NTM: variants seen among roughly 807,000 people sequenced by gnomAD.
NTM encodes the protein neurotrimin.
NTM carries 13 observed loss-of-function variants against 42.1 expected under a neutral mutation model. That is an observed-to-expected ratio of 0.31 (90% CI 0.20 to 0.49). The LOEUF is 0.49. Among genes scored for constraint, NTM ranks in the 20% least tolerant of loss-of-function variants. The pLI, the probability that NTM is intolerant of heterozygous loss-of-function variation, is 0.99. For missense variants in NTM, 373 were observed against 452.8 expected (o/e 0.82, Z 1.60); for synonymous variants, 187 against 179.2 (o/e 1.04, Z -0.35).
At chr11:131,433,380 C>T (rs1448637389) in intron 1 of NTM, among the ~76,000 whole-genome samples, 1 of 152,118 alleles carries the variant, frequency 6.6e-6, no homozygotes, top group East Asian at 1.9e-4. Flanking sequence ...CACAGTTTTC[C>T]CATTTTCCTG....
At chr11:131,454,123 C>G (rs1226822858) in intron 1 of NTM, among the ~76,000 whole-genome samples, 1 of 152,138 alleles carries the variant, frequency 6.6e-6, no homozygotes, top group African/African-American at 2.4e-5. Flanking sequence ...TTTCAGTTAC[C>G]TGCAGTACAG....
intron 1 of NTM, among the ~76,000 whole-genome samples, chr11:131,600,479 G>T (rs2060383418): frequency 1.3e-5 from 2 of 152,162 alleles, no homozygotes; most frequent in African/African-American, 4.8e-5. Flanking sequence ...AGCAGCAATG[G>T]GCTTTTGGCT....
chr11:131,377,618 G>T (rs1215804201), intron 1 of NTM, among the ~76,000 whole-genome samples: 1 of 152,194 alleles, frequency 6.6e-6, no homozygotes, highest in East Asian at 1.9e-4. Flanking sequence ...TAATACAAAT[G>T]CATTATTAAC....
intron 1 of NTM, among the ~76,000 whole-genome samples, chr11:131,500,028 T>G (rs1223934248): frequency 2.0e-5 from 3 of 152,100 alleles, no homozygotes; most frequent in Non-Finnish European, 1.5e-5. Context: ...CAGTGTGTGG[T>G]CCCCCCATGC....
At chr11:132,048,806 C>CTTTTCTT (rs1555232682) in intron 2 of NTM, among the ~76,000 whole-genome samples, 68 of 127,510 alleles carry the variant, frequency 5.3e-4, no homozygotes, top group South Asian at 1.9e-3. Flanking sequence ...AGCTGTTTTT[C>CTTTTCTT]TTTTCTTTTT....
chr11:131,911,274 G>A (rs903440514), intron 1 of NTM: 23 of 1,422,208 alleles, frequency 1.6e-5, no homozygotes, highest in Non-Finnish European at 1.9e-5. Context: ...CCGGTTTTCC[G>A]AGGCTGGCAA....
intron 1 of NTM, among the ~76,000 whole-genome samples, chr11:131,595,592 T>G (rs904279095): frequency 1.3e-5 from 2 of 152,240 alleles, no homozygotes; most frequent in Non-Finnish European, 2.9e-5. Flanking sequence ...AGAGAGCTGC[T>G]GACTGTGGAG....
intron 1 of NTM, chr11:131,671,635 C>A (rs1307199797): frequency 1.0e-6 from 1 of 981,600 alleles, no homozygotes; most frequent in African/African-American, 1.7e-5. Context: ...TGGCTCAGAG[C>A]CCTGTGAGAA....
chr11:131,527,676 A>G (rs2050694899), intron 1 of NTM, among the ~76,000 whole-genome samples: 1 of 152,230 alleles, frequency 6.6e-6, no homozygotes, highest in African/African-American at 2.4e-5. Context: ...AGAGTTCTTC[A>G]GAGCCAAGCA....
chr11:131,565,556 C>A (rs576827132), intron 1 of NTM, among the ~76,000 whole-genome samples: 1 of 152,290 alleles, frequency 6.6e-6, no homozygotes, highest in East Asian at 1.9e-4. Context: ...CCCTTCCAGC[C>A]GCAGGGCATT....
chr11:131,686,923 C>T (rs192848851), intron 1 of NTM, among the ~76,000 whole-genome samples: 1 of 152,232 alleles, frequency 6.6e-6, no homozygotes, highest in Non-Finnish European at 1.5e-5. Context: ...ATAACCCAGA[C>T]TTGACCTGCC....
intron 1 of NTM, among the ~76,000 whole-genome samples, chr11:131,384,574 AG>A (rs1943081025): frequency 6.6e-6 from 1 of 151,990 alleles, no homozygotes; most frequent in South Asian, 2.1e-4. Context: ...AGAGAGAGAG[AG>A]AGAGTGAGTG....
intron 1 of NTM, among the ~76,000 whole-genome samples, chr11:131,460,519 G>A (rs138767920): frequency 8.5e-5 from 13 of 152,176 alleles, no homozygotes; most frequent in African/African-American, 1.4e-4. Flanking sequence ...TACTATGCTC[G>A]ATTCATCACA....
At chr11:131,400,560 A>C (rs888215918) in intron 1 of NTM, among the ~76,000 whole-genome samples, 1 of 152,172 alleles carries the variant, frequency 6.6e-6, no homozygotes, top group Non-Finnish European at 1.5e-5. Flanking sequence ...GTCAACTATT[A>C]GATGATTTTG....
At chr11:131,424,272 T>C (rs937489402) in intron 1 of NTM, among the ~76,000 whole-genome samples, 3 of 152,140 alleles carry the variant, frequency 2.0e-5, no homozygotes, top group Non-Finnish European at 4.4e-5. Flanking sequence ...ATTGGATCCC[T>C]ATGTCCTGCT....
At chr11:131,997,619 T>A (rs760154243) in intron 2 of NTM, among the ~76,000 whole-genome samples, 3 of 152,214 alleles carry the variant, frequency 2.0e-5, no homozygotes, top group Admixed American at 6.5e-5. Context: ...ACACTTGTAA[T>A]GATCTGAACT....
chr11:132,280,475 C>CTTTT (rs138697534), intron 4 of NTM, among the ~76,000 whole-genome samples: 8 of 82,432 alleles, frequency 9.7e-5, no homozygotes, highest in Non-Finnish European at 1.5e-4. Flanking sequence ...ATACTCTCTT[C>CTTTT]TTTTTTTTTT....
chr11:132,111,190 G>C (rs933163792), intron 2 of NTM, among the ~76,000 whole-genome samples: 2 of 149,446 alleles, frequency 1.3e-5, no homozygotes, highest in African/African-American at 2.4e-5. Context: ...TGGTAGCAAT[G>C]CATGTGGCAG....
chr11:131,806,146 A>G (rs2092470160), intron 1 of NTM, among the ~76,000 whole-genome samples: 1 of 152,152 alleles, frequency 6.6e-6, no homozygotes, highest in Non-Finnish European at 1.5e-5. Context: ...AATGAGGTAA[A>G]TTAGATTACC....
Sources: allele counts gnomAD v4.1 joint callset (sites outside exome capture counted in the v4.1 genomes callset), GRCh38; gene constraint gnomAD v4.1.1; transcripts MANE v1.5; gene names NCBI Gene and HGNC (gene_info 2026-07-23, HGNC 2026-07-21).